EIF4B: variants seen among roughly 807,000 people sequenced by gnomAD.
EIF4B encodes the protein eukaryotic translation initiation factor 4B.
EIF4B carries 8 observed loss-of-function variants against 79.3 expected under a neutral mutation model. The observed-to-expected ratio is 0.10, with a 90% CI of 0.06 to 0.18. The LOEUF (loss-of-function observed/expected upper bound fraction) is 0.18. Among genes scored for constraint, EIF4B ranks in the 10% least tolerant of loss-of-function variants. The pLI is 1.00. For missense variants in EIF4B, 515 were observed against 792.4 expected, an observed-to-expected ratio of 0.65 and a Z score of 4.20; for synonymous variants, 238 against 274.7, an observed-to-expected ratio of 0.87 and a Z score of 1.32.
rs551286729 is a variant in EIF4B at position 53,040,814 on chromosome 12, G to T, written c.*591G>T. 2.0e-5 allele frequency: 3 copies of T among 151,988 alleles called. No homozygotes were observed. Among genetic ancestry groups the T allele is most frequent in the Non-Finnish European group, 4.4e-5 (3 of 68,048 alleles). The allele number at this position is 151,988 out of a possible 1,614,324, so 9.4% of individuals were successfully genotyped here. Reference sequence around the variant, plus strand: ...TTTTTTTTTTTTAACCCCCCAGGGGGGTAGTTGGGAGTGAGACTATAGGCC... The same window carrying T: ...TTTTTTTTTTTTAACCCCCCAGGGGTGTAGTTGGGAGTGAGACTATAGGCC... On this transcript the variant is annotated 3_prime_UTR_variant, in exon 15 of 15. Coordinates refer to ENST00000262056, the MANE Select transcript of EIF4B (RefSeq NM_001417.7).
At position 53,040,033 on chromosome 12, in the gene EIF4B, GTGTCATCTGAC is replaced by G. The variant is rs1943605532; in HGVS notation, c.1756-102_1756-92del. ...ACAATGCTGATGAGCAAGCAAGTGG[GTGTCATCTGAC>G]TGTCATCCCCCATTGCCAAAGGATC... On this transcript the variant is annotated intron_variant, in intron 14 of 14. Coordinates refer to ENST00000262056, the MANE Select transcript of EIF4B (RefSeq NM_001417.7). 16 of 1,229,160 alleles carry G rather than the reference GTGTCATCTGAC, an allele frequency of 1.3e-5. No homozygotes were observed. The South Asian group carries it at 1.9e-4, about 15-fold the overall frequency. 76.1% of individuals were successfully genotyped at this position (1,229,160 alleles called of 1,614,324 possible).
intron 5 of EIF4B, 196 bp from the exon 6 acceptor site, chr12:53,022,297 C>T (rs779941095): frequency 2.3e-5 from 18 of 775,004 alleles, no homozygotes; most frequent in Middle Eastern, 4.5e-4. Flanking sequence ...AAGCATTAAA[C>T]CAATAGGAAA....
At chr12:53,031,565 CTG>C (rs1485848395) in intron 8 of EIF4B, among the ~76,000 whole-genome samples, 3 of 152,240 alleles carry the variant, frequency 2.0e-5, no homozygotes, top group African/African-American at 7.2e-5. Flanking sequence ...GCGTGAGCCA[CTG>C]TGCCCGGCTG....
At chr12:53,021,121 A>G (rs182487480) in intron 4 of EIF4B, among the ~76,000 whole-genome samples, 107 of 152,350 alleles carry the variant, frequency 7.0e-4, no homozygotes, top group Non-Finnish European at 1.3e-3. Flanking sequence ...CAGCAATAGA[A>G]TTAATTGGGT....
rs1943262207 is a variant in EIF4B at position 53,022,482 on chromosome 12, T to A, written c.533-11T>A. ...AGATAACTTACGGTTTTTGTTTTAA[T>A]GTATCTGTAGACAGGGATGATCGTT... On this transcript the variant is annotated splice_polypyrimidine_tract_variant and intron_variant, in intron 5 of 14. Coordinates refer to ENST00000262056, the MANE Select transcript of EIF4B (RefSeq NM_001417.7). 2 of 1,610,638 alleles carry A rather than the reference T, an allele frequency of 1.2e-6. No individual in the cohort carries two copies. The highest frequency in any genetic ancestry group is 4.5e-5 in the East Asian group (2 of 44,874).
intron 1 of EIF4B, among the ~76,000 whole-genome samples, chr12:53,008,145 T>C (rs1052406214): frequency 6.6e-6 from 1 of 152,200 alleles, no homozygotes; most frequent in Non-Finnish European, 1.5e-5. Context: ...ACCTTAACAG[T>C]TTAGTATCGT....
chr12:53,018,704 G>A lies in EIF4B; in HGVS notation c.152-94G>A, dbSNP rs1943187386. ...TTGGTCTGGTTTTCTTGTATAGCAT[G>A]TTTAATATTTGGCAATTAACATGGG... is the stretch of plus-strand genomic sequence containing the variant. On this transcript the variant is annotated intron_variant, in intron 2 of 14. Coordinates refer to ENST00000262056, the MANE Select transcript of EIF4B (RefSeq NM_001417.7). 5.5e-6 allele frequency: 8 copies of A among 1,454,004 alleles called. No individual in the cohort carries two copies. The South Asian group carries it at 9.5e-5, about 17-fold the overall frequency. 90.1% of individuals were successfully genotyped at this position (1,454,004 alleles called of 1,614,324 possible).
chr12:53,037,323 G>A, intron 10 of EIF4B, 86 bp from the exon 11 acceptor site: 1 of 1,457,934 alleles, frequency 6.9e-7, no homozygotes. Context: ...ACTTGGATGT[G>A]GACCATTTTC....
intron 11 of EIF4B, 80 bp downstream of exon 11, chr12:53,037,702 G>A: frequency 1.3e-6 from 2 of 1,489,626 alleles, no homozygotes; most frequent in South Asian, 2.4e-5. Context: ...TCTCCTACGG[G>A]ATGCCAGCGT....
rs1592229775 is a variant in EIF4B at position 53,038,493 on chromosome 12, T to A, written c.1576+82T>A. ...TCCAAAATTAGATTTTGAAGAGCAG[T>A]GTGTCTCGCACCTGATACCGTGTTA... On this transcript the variant is annotated intron_variant, in intron 12 of 14. Coordinates refer to ENST00000262056, the MANE Select transcript of EIF4B (RefSeq NM_001417.7). 8.8e-6 allele frequency: 12 copies of A among 1,370,900 alleles called. No homozygotes were observed. In the East Asian group the frequency reaches 3.0e-4, roughly 34 times the overall value. 84.9% of individuals were successfully genotyped at this position (1,370,900 alleles called of 1,614,324 possible). A position where few individuals can be genotyped will look rare whatever the true frequency, so the allele number is the denominator to read the frequency against.
At chr12:53,034,548 C>T (rs1242588936) in intron 9 of EIF4B, 64 bp from the exon 10 acceptor site, 4 of 1,503,786 alleles carry the variant, frequency 2.7e-6, no homozygotes, top group African/African-American at 2.8e-5. Context: ...GAGGGGTCAG[C>T]ATGGGTCTAA....
chr12:53,038,232 C>A, intron 11 of EIF4B, 124 bp from the exon 12 acceptor site: 1 of 731,628 alleles, frequency 1.4e-6, no homozygotes, highest in Non-Finnish European at 2.1e-6. Flanking sequence ...TTTAATGTTC[C>A]ATAACATTGA....
Position 53,041,126 on chromosome 12 carries a change from A to G in EIF4B, c.*903A>G, listed in dbSNP as rs1414230960. 1.3e-5 allele frequency: 2 copies of G among 152,172 alleles called. No individual in the cohort carries two copies. The highest frequency in any genetic ancestry group is 2.9e-5 in the Non-Finnish European group (2 of 68,032). 9.4% of individuals were successfully genotyped at this position (152,172 alleles called of 1,614,324 possible). A position where few individuals can be genotyped will look rare whatever the true frequency, so the allele number is the denominator to read the frequency against. On this transcript the variant is annotated 3_prime_UTR_variant, in exon 15 of 15. Transcript: ENST00000262056. ...CTTGAAACTAAAAATTTAGACTCTT[A>G]TCATCATCTTAAGTTCTTCATGCTA...
chr12:53,039,636 T>A lies in EIF4B; in HGVS notation c.1689T>A (p.Asp563Glu), dbSNP rs190078158. Residue 563 changes from aspartate to glutamate, a missense_variant, in exon 14 of 15, where the codon GAT becomes GAA. This residue lies in a region of EIF4B where 60 missense variants were observed against 56.7 expected (regional missense o/e 1.06). Coordinates refer to ENST00000262056, the MANE Select transcript of EIF4B (RefSeq NM_001417.7). ...TATGCTTACGTCTCTGCAGGAAAGA[T>A]GGCAAAAAGGATCAAGACTCCAGAT... is the stretch of plus-strand genomic sequence containing the variant. ...RDHWKESDRKDGKKDQDSRSA... is the reference protein window; with the variant it reads ...RDHWKESDRKEGKKDQDSRSA... The A allele has an allele frequency of 2.0e-4, 322 of 1,613,832 alleles. 2 individuals are homozygous for A. The East Asian group carries it at 5.2e-3, about 26-fold the overall frequency.
chr12:53,019,932 G>A lies in EIF4B; in HGVS notation c.383G>A (p.Arg128His), dbSNP rs762302285. Residue 128 changes from arginine (R) to histidine (H), a missense_variant, in exon 4 of 15, where the codon CGT becomes CAT. Arg to His is a conservative substitution (Grantham distance 29). Coordinates refer to ENST00000262056, the MANE Select transcript of EIF4B (RefSeq NM_001417.7). ...CAGATCAGTGCAGTGCGTTTACCACGTGAACCCAGCAATCCAGAGAGGTTG... is the reference window on the plus strand; with the variant it reads ...CAGATCAGTGCAGTGCGTTTACCACATGAACCCAGCAATCCAGAGAGGTTG... ...GLNISAVRLP[R>H]EPSNPERLKG... 2.5e-6 allele frequency: 4 copies of A among 1,611,538 alleles called. No individual in the cohort carries two copies. Among genetic ancestry groups the A allele is most frequent in the Admixed American group, 1.7e-5 (1 of 59,242 alleles).
At position 53,038,360 on chromosome 12, in the gene EIF4B, G is replaced by T. The variant is rs776045213; in HGVS notation, c.1525G>T (p.Gly509Trp). ...GATTACCTGTTTTCCTTCTAGTGGT[G>T]GGGGAAAAGTAGCTCCAGCTCAACC... ...DTEQQSPTSGGGKVAPAQPSE... is the reference protein window; with the variant it reads ...DTEQQSPTSGWGKVAPAQPSE... The change falls in exon 12 of 15, where the codon GGG becomes TGG. Residue 509 changes from glycine (G) to tryptophan (W), a missense_variant. Around this residue, in one of 6 missense-constraint regions of EIF4B, gnomAD observed 146 missense variants for 228.0 expected, o/e 0.64. Transcript: ENST00000262056. 1.3e-5 allele frequency: 21 copies of T among 1,592,390 alleles called. No individual in the cohort carries two copies. The Admixed American group carries it at 3.5e-4, about 26-fold the overall frequency.
intron 6 of EIF4B, among the ~76,000 whole-genome samples, chr12:53,026,803 A>G (rs1943341837): frequency 2.0e-5 from 3 of 152,036 alleles, no homozygotes; most frequent in Admixed American, 1.3e-4. Context: ...TGGTTTCACC[A>G]TGTTGCCCAG....
chr12:53,009,087 T>G (rs1356248443), intron 1 of EIF4B, among the ~76,000 whole-genome samples: 1 of 152,232 alleles, frequency 6.6e-6, no homozygotes, highest in Non-Finnish European at 1.5e-5. Flanking sequence ...ATTTTCATTG[T>G]GACTACTTTA....
chr12:53,008,162 G>C (rs1942999364), intron 1 of EIF4B, among the ~76,000 whole-genome samples: 1 of 152,190 alleles, frequency 6.6e-6, no homozygotes, highest in Admixed American at 6.5e-5. Context: ...TCGTAATTTA[G>C]TGAAGAAAAT....
Sources: allele counts gnomAD v4.1 joint callset (sites outside exome capture counted in the v4.1 genomes callset), GRCh38; gene constraint gnomAD v4.1.1; regional missense constraint gnomAD v4.1.1; transcripts MANE v1.5; gene names NCBI Gene and HGNC (gene_info 2026-07-23, HGNC 2026-07-21).